The following CUL9 variants were observed in gnomAD, a reference collection of about 807,000 sequenced individuals.
CUL9 encodes cullin-9.
A neutral mutation model predicts 272.6 loss-of-function variants in CUL9; 79 were observed. The ratio of observed to expected loss-of-function variants is 0.29; its 90% CI spans 0.24 to 0.35. CUL9 has a LOEUF of 0.35. CUL9 is among the 10% of genes least tolerant of loss of function. The probability of loss-of-function intolerance (pLI) is 1.00; values close to 1 mark genes in which losing one functional copy is unlikely to be tolerated. For synonymous variants in CUL9, 1,186 were observed against 1,286.5 expected (o/e 0.92, Z 1.67); for missense variants, 2,532 against 3,255.6 (o/e 0.78, Z 5.41).
Position 43,206,478 on chromosome 6 carries a change from C to T in CUL9, c.5180C>T (p.Ala1727Val). The T allele has an allele frequency of 3.7e-6, 6 of 1,614,196 alleles. No homozygotes were observed. Among genetic ancestry groups the T allele is most frequent in the Admixed American group, 1.7e-5 (1 of 60,032 alleles). The change falls in exon 26 of 41, where the codon GCC (alanine) becomes GTC (valine). Residue 1727 changes from alanine to valine, a missense_variant. Around this residue, in one of 3 missense-constraint regions of CUL9, gnomAD observed 2,218 missense variants for 2,788.6 expected, o/e 0.80. Transcript: ENST00000252050. The surrounding 1 kb of genome is among the most constrained non-coding windows in gnomAD (Gnocchi z 4.8). ...TGCCTTCCCACAGAATTCTGTGATGCCCTTGACCGTTTCTCCAGTTTCTAC... is the reference window on the plus strand; with the variant it reads ...TGCCTTCCCACAGAATTCTGTGATGTCCTTGACCGTTTCTCCAGTTTCTAC... ...RKCLPTEFCD[A>V]LDRFSSFYSQ...
chr6:43,204,843 G>C lies in CUL9; in HGVS notation c.4435G>C (p.Val1479Leu). 1.9e-6 allele frequency: 3 copies of C among 1,614,248 alleles called. No individual in the cohort carries two copies. The South Asian group carries it at 3.3e-5, about 18-fold the overall frequency. The change falls in exon 22 of 41, where the codon GTG becomes CTG. Residue 1479 changes from valine (V) to leucine (L), a missense_variant. Coordinates refer to ENST00000252050, the MANE Select transcript of CUL9 (RefSeq NM_015089.4). Reference protein sequence around the residue: ...LRNITQCWLSVVQEQVSRFLA... With the variant: ...LRNITQCWLSLVQEQVSRFLA... Reference sequence around the variant, plus strand: ...GAACATAACCCAGTGCTGGCTGAGCGTGGTGCAGGAGCAGGTGGGCAGAAG... The same window carrying C: ...GAACATAACCCAGTGCTGGCTGAGCCTGGTGCAGGAGCAGGTGGGCAGAAG...
chr6:43,183,019 G>A (rs1376605834), intron 1 of CUL9, among the ~76,000 whole-genome samples: 1 of 152,106 alleles, frequency 6.6e-6, no homozygotes, highest in Non-Finnish European at 1.5e-5. Context: ...TTACATACAT[G>A]ATCCTACTAA....
chr6:43,216,942 A>G (rs972632515), intron 31 of CUL9, among the ~76,000 whole-genome samples: 1 of 152,234 alleles, frequency 6.6e-6, no homozygotes, highest in African/African-American at 2.4e-5. Flanking sequence ...AAGTGTTTGC[A>G]AAAGTGTTAG....
intron 11 of CUL9, among the ~76,000 whole-genome samples, 175 bp downstream of exon 11, chr6:43,197,037 G>T (rs1343953465): frequency 6.6e-6 from 1 of 151,780 alleles, no homozygotes; most frequent in African/African-American, 2.4e-5. Flanking sequence ...TGGAATATGT[G>T]CAAGGAAATT....
chr6:43,215,274 G>A lies in CUL9; in HGVS notation c.5884G>A (p.Gly1962Ser). 6.2e-7 allele frequency: 1 copy of A among 1,613,950 alleles called. No individual in the cohort carries two copies. The highest frequency in any genetic ancestry group is 8.5e-7 in the Non-Finnish European group (1 of 1,180,014). The change falls in exon 30 of 41, where the codon GGT (glycine) becomes AGT (serine). Residue 1962 changes from glycine to serine, a missense_variant. By Grantham distance (56) the Gly-to-Ser change is moderately conservative. This residue lies in a region of CUL9 where 2,218 missense variants were observed against 2,788.6 expected (regional missense o/e 0.80). Coordinates refer to ENST00000252050, the MANE Select transcript of CUL9 (RefSeq NM_015089.4). ...TCCAGAGCCCATGGGGCCCTGCCGG[G>A]GTCAGGCAGATGTCCCTTTCTGTGG... is the stretch of plus-strand genomic sequence containing the variant. ...AAPEPMGPCRGQADVPFCGSQ... is the reference protein window; with the variant it reads ...AAPEPMGPCRSQADVPFCGSQ...
intron 6 of CUL9, 90 bp downstream of exon 6, chr6:43,187,529 G>A (rs1773038952): frequency 7.1e-7 from 1 of 1,416,352 alleles, no homozygotes; most frequent in South Asian, 1.3e-5. Flanking sequence ...TTACCGCTTA[G>A]GGGGAGGCTG....
In CUL9 at chr6:43,187,466, G is replaced by A. The variant is rs778443257; in HGVS notation, c.1581+27G>A. 1.7e-4 allele frequency: 274 copies of A among 1,606,840 alleles called. 5 individuals are homozygous for A. In the South Asian group the frequency reaches 3.0e-3, roughly 17 times the overall value. On this transcript the variant is annotated intron_variant, in intron 6 of 40. Coordinates refer to ENST00000252050, the MANE Select transcript of CUL9 (RefSeq NM_015089.4). Reference sequence around the variant, plus strand: ...TATTATAGGTCTGAGATACCTGGGGGTTTTCTAGTAGGGTTAGAGGTGGGA... The same window carrying A: ...TATTATAGGTCTGAGATACCTGGGGATTTTCTAGTAGGGTTAGAGGTGGGA...
chr6:43,184,996 C>T lies in CUL9; in HGVS notation c.595+91C>T, dbSNP rs1343028542. 2 of 973,404 alleles carry T rather than the reference C, an allele frequency of 2.1e-6. No individual in the cohort carries two copies. Among genetic ancestry groups the T allele is most frequent in the African/African-American group, 3.3e-5 (2 of 60,610 alleles). The allele number at this position is 973,404 out of a possible 1,614,324, so 60.3% of individuals were successfully genotyped here. ...GAGAGATTTCCTAGCTCTGTAAGAA[C>T]ACCTAGTATTTGGTGAATATCAATT... is the stretch of plus-strand genomic sequence containing the variant. On this transcript the variant is annotated intron_variant, in intron 2 of 40. Transcript: ENST00000252050. This position sits in a 1 kb window ranked among gnomAD's most constrained non-coding sequence, Gnocchi z 4.8.
chr6:43,222,714 C>G, intron 37 of CUL9, 65 bp from the exon 38 acceptor site: 5 of 1,604,708 alleles, frequency 3.1e-6, no homozygotes, highest in South Asian at 1.1e-5. Flanking sequence ...CTGCTTTCAT[C>G]GGACTTGCCT....
intron 1 of CUL9, among the ~76,000 whole-genome samples, chr6:43,182,832 G>C (rs547404979): frequency 6.6e-6 from 1 of 151,992 alleles, no homozygotes; most frequent in African/African-American, 2.4e-5. Context: ...ACTATTCCCT[G>C]TTGCCCCTGC....
chr6:43,205,890 A>T, intron 24 of CUL9, 117 bp from the exon 25 acceptor site: 1 of 770,828 alleles, frequency 1.3e-6, no homozygotes, highest in Non-Finnish European at 2.1e-6. Context: ...GGGAAAGAAG[A>T]GGTGAGGTAG....
At chr6:43,216,035 T>C in intron 30 of CUL9, 123 bp from the exon 31 acceptor site, 1 of 892,302 alleles carries the variant, frequency 1.1e-6, no homozygotes, top group Non-Finnish European at 1.7e-6. Context: ...GTGGTTATCC[T>C]GAGGCTGCTT....
chr6:43,211,663 C>A (rs1262746401), intron 26 of CUL9, among the ~76,000 whole-genome samples: 3 of 152,060 alleles, frequency 2.0e-5, no homozygotes, highest in Non-Finnish European at 2.9e-5. Context: ...TTTAAAAAGT[C>A]TTTTTATTGT....
At chr6:43,212,336 T>C (rs945153472) in intron 26 of CUL9, among the ~76,000 whole-genome samples, 1 of 152,232 alleles carries the variant, frequency 6.6e-6, no homozygotes, top group African/African-American at 2.4e-5. Context: ...CAGGCAGGCA[T>C]TTCTACCATT....
At chr6:43,193,542 TTTTG>T (rs548264177) in intron 9 of CUL9, among the ~76,000 whole-genome samples, 12 of 151,858 alleles carry the variant, frequency 7.9e-5, no homozygotes, top group African/African-American at 2.2e-4. Flanking sequence ...CCAGGAGGTT[TTTTG>T]TTTGTTTGTT....
In CUL9 at chr6:43,184,773, A is replaced by G. The variant is rs966303815; in HGVS notation, c.463A>G (p.Ile155Val). 1 of 1,614,086 alleles carries G rather than the reference A, an allele frequency of 6.2e-7. No homozygotes were observed. ...CCACGTGCTCAGTGCCTACGCCAGC[A>G]TCGGGCCCCTCACTGGTGTCTTCAG... Reference protein sequence around the residue: ...TIHVLSAYASIGPLTGVFRET... With the variant: ...TIHVLSAYASVGPLTGVFRET... The change falls in exon 2 of 41, where the codon ATC becomes GTC. Residue 155 changes from isoleucine (I) to valine (V), a missense_variant. Ile to Val is a conservative substitution (Grantham distance 29). Around this residue, in one of 3 missense-constraint regions of CUL9, gnomAD observed 2,218 missense variants for 2,788.6 expected, o/e 0.80. Transcript: ENST00000252050. This position sits in a 1 kb window ranked among gnomAD's most constrained non-coding sequence, Gnocchi z 4.8.
At chr6:43,214,455 C>G (rs994565917) in intron 29 of CUL9, among the ~76,000 whole-genome samples, 1 of 151,816 alleles carries the variant, frequency 6.6e-6, no homozygotes, top group African/African-American at 2.4e-5. Context: ...TCACAACAAT[C>G]CTAGAAATGT....
intron 21 of CUL9, 56 bp from the exon 22 acceptor site, chr6:43,204,692 G>C (rs16896344): frequency 6.3e-7 from 1 of 1,599,206 alleles, no homozygotes; most frequent in African/African-American, 1.3e-5. Context: ...CCCAAGACCG[G>C]TGTACTCACC....
In CUL9 at chr6:43,223,580, A is replaced by C. The variant is rs1296060800; in HGVS notation, c.7284+183A>C. ...AACCTGCCTGATGCTGCTGGACCCT[A>C]TCACTTCACCTCCTGGGGATTCCTA... On this transcript the variant is annotated intron_variant, in intron 39 of 40. Coordinates refer to ENST00000252050, the MANE Select transcript of CUL9 (RefSeq NM_015089.4). The surrounding 1 kb of genome is among the most constrained non-coding windows in gnomAD (Gnocchi z 4.1). The C allele has an allele frequency of 4.2e-6, 3 of 717,926 alleles. No individual in the cohort carries two copies. The highest frequency in any genetic ancestry group is 6.7e-6 in the Non-Finnish European group (3 of 446,252). 44.5% of individuals were successfully genotyped at this position (717,926 alleles called of 1,614,324 possible).
Sources: allele counts gnomAD v4.1 joint callset (sites outside exome capture counted in the v4.1 genomes callset), GRCh38; gene constraint gnomAD v4.1.1; regional missense constraint gnomAD v4.1.1; non-coding constraint Gnocchi (gnomAD v3.1); transcripts MANE v1.5; gene names NCBI Gene and HGNC (gene_info 2026-07-23, HGNC 2026-07-21).